The following UNC5C variants were observed in gnomAD, a reference collection of about 807,000 sequenced individuals.
UNC5C encodes the protein netrin receptor UNC5C.
UNC5C carries 47 observed loss-of-function variants against 99.8 expected under a neutral mutation model. That is an observed-to-expected ratio of 0.47 (90% CI 0.37 to 0.60). The LOEUF is 0.60. Ranked by LOEUF, UNC5C falls within the 20% of genes least tolerant of loss-of-function variation. The pLI is 0.00. For synonymous variants in UNC5C, 487 were observed against 452.2 expected, an observed-to-expected ratio of 1.08 and a Z score of -0.98; for missense variants, 1,062 against 1,165.9, an observed-to-expected ratio of 0.91 and a Z score of 1.30.
At chr4:95,507,782 CT>C (rs1367134399) in intron 1 of UNC5C, among the ~76,000 whole-genome samples, 1 of 152,140 alleles carries the variant, frequency 6.6e-6, no homozygotes, top group East Asian at 1.9e-4. Flanking sequence ...TCGTCTTCCC[CT>C]ATGACTGTTT....
intron 14 of UNC5C, among the ~76,000 whole-genome samples, chr4:95,173,690 G>A (rs1324489978): frequency 2.0e-5 from 3 of 151,676 alleles, no homozygotes; most frequent in South Asian, 2.1e-4. Flanking sequence ...AAGGATATTG[G>A]TCTAAAATTC....
chr4:95,202,146 C>G (rs932376715), intron 12 of UNC5C, among the ~76,000 whole-genome samples: 2 of 152,182 alleles, frequency 1.3e-5, no homozygotes, highest in South Asian at 4.1e-4. Flanking sequence ...ACCTCCTCAA[C>G]CTTGGCATAC....
chr4:95,424,384 A>G (rs774047067), intron 1 of UNC5C, among the ~76,000 whole-genome samples: 9 of 151,952 alleles, frequency 5.9e-5, no homozygotes, highest in Non-Finnish European at 1.0e-4. Context: ...GATTTCTCAC[A>G]TATTTCGGGT....
chr4:95,258,743 A>ACTCTTTTTTTTTTTTTTTT (rs1184674099), intron 4 of UNC5C, among the ~76,000 whole-genome samples: 2 of 85,868 alleles, frequency 2.3e-5, no homozygotes. Flanking sequence ...CGACCATCTT[A>ACTCTTTTTTTTTTTTTTTT]TTCTTTTTTT....
chr4:95,188,934 G>A (rs370450826), intron 12 of UNC5C, among the ~76,000 whole-genome samples: 1 of 152,274 alleles, frequency 6.6e-6, no homozygotes, highest in East Asian at 1.9e-4. Flanking sequence ...GTGTGCTCAG[G>A]TCTAAAACCA....
chr4:95,506,408 C>A (rs1721923247), intron 1 of UNC5C, among the ~76,000 whole-genome samples: 1 of 151,998 alleles, frequency 6.6e-6, no homozygotes, highest in African/African-American at 2.4e-5. Context: ...AAATATGTCA[C>A]CAAACCACCA....
intron 1 of UNC5C, among the ~76,000 whole-genome samples, chr4:95,389,329 T>A (rs1043505365): frequency 6.6e-6 from 1 of 152,124 alleles, no homozygotes; most frequent in African/African-American, 2.4e-5. Context: ...GAAAGGAAAA[T>A]CTAAGTATTA....
chr4:95,267,781 C>T (rs1740500396), intron 4 of UNC5C, among the ~76,000 whole-genome samples: 1 of 150,898 alleles, frequency 6.6e-6, no homozygotes, highest in Admixed American at 6.7e-5. Context: ...ATGCAAATGC[C>T]AGTAAATAAC....
intron 7 of UNC5C, among the ~76,000 whole-genome samples, chr4:95,226,090 A>C (rs950685765): frequency 1.3e-5 from 2 of 152,232 alleles, no homozygotes. Context: ...ATGAAAAATA[A>C]CATCTCCGGC....
chr4:95,453,370 CAAGGT>C (rs1330408346), intron 1 of UNC5C, among the ~76,000 whole-genome samples: 1 of 151,558 alleles, frequency 6.6e-6, no homozygotes, highest in Non-Finnish European at 1.5e-5. Flanking sequence ...TTGGATAAGA[CAAGGT>C]AAGGTCAATT....
At chr4:95,423,608 A>G (rs1049926527) in intron 1 of UNC5C, among the ~76,000 whole-genome samples, 1 of 152,226 alleles carries the variant, frequency 6.6e-6, no homozygotes, top group Non-Finnish European at 1.5e-5. Context: ...TTCAGTATTT[A>G]GAATGTTTGG....
intron 1 of UNC5C, among the ~76,000 whole-genome samples, chr4:95,506,747 CAT>C (rs1323216496): frequency 6.6e-6 from 1 of 151,708 alleles, no homozygotes; most frequent in Non-Finnish European, 1.5e-5. Context: ...TAAATACTTT[CAT>C]ATATATACAC....
chr4:95,368,266 T>A (rs1371692844), intron 1 of UNC5C, among the ~76,000 whole-genome samples: 9 of 122,144 alleles, frequency 7.4e-5, no homozygotes, highest in Non-Finnish European at 1.0e-4. Context: ...AGAAACTAAG[T>A]AAAATAACAT....
chr4:95,482,966 A>C (rs1020023234), intron 1 of UNC5C, among the ~76,000 whole-genome samples: 3 of 143,106 alleles, frequency 2.1e-5, no homozygotes, highest in African/African-American at 7.8e-5. Flanking sequence ...ATATGTAACT[A>C]ACCTGCACAT....
intron 1 of UNC5C, among the ~76,000 whole-genome samples, chr4:95,521,224 C>CT (rs1385036212): frequency 8.1e-4 from 22 of 27,128 alleles, no homozygotes; most frequent in Middle Eastern, 0.083. Flanking sequence ...TTTCTTTTTT[C>CT]TTTTTTTTTT....
At chr4:95,232,428 G>T (rs1033880880) in intron 7 of UNC5C, among the ~76,000 whole-genome samples, 1 of 152,122 alleles carries the variant, frequency 6.6e-6, no homozygotes, top group Non-Finnish European at 1.5e-5. Flanking sequence ...GTAAAATGAT[G>T]AAGAGTCCTG....
chr4:95,387,111 C>G (rs781406917), intron 1 of UNC5C, among the ~76,000 whole-genome samples: 1 of 151,934 alleles, frequency 6.6e-6, no homozygotes, highest in Non-Finnish European at 1.5e-5. Flanking sequence ...ATTTCTTTTT[C>G]TTTCTGTCTC....
intron 1 of UNC5C, among the ~76,000 whole-genome samples, chr4:95,482,070 C>T (rs548815185): frequency 1.5e-3 from 225 of 152,192 alleles, no homozygotes; most frequent in South Asian, 4.6e-3. Context: ...AGTGAACAGG[C>T]AACCTACAAA....
chr4:95,247,700 T>A (rs1739553285), intron 5 of UNC5C, among the ~76,000 whole-genome samples: 1 of 152,210 alleles, frequency 6.6e-6, no homozygotes, highest in Non-Finnish European at 1.5e-5. Flanking sequence ...ATTTCCTTAA[T>A]TCTAAATACT....
Sources: gnomAD v4.1 joint callset for allele counts (sites outside exome capture counted in the v4.1 genomes callset) on GRCh38, gnomAD v4.1.1 for gene constraint, MANE v1.5 for transcripts, NCBI Gene and HGNC (gene_info 2026-07-23, HGNC 2026-07-21) for gene names.